The following CDH12 variants were observed in gnomAD, a reference collection of about 807,000 sequenced individuals.
CDH12 encodes the protein cadherin-12.
Under a neutral mutation model 74.1 loss-of-function variants are expected in CDH12, and 41 were observed. The ratio of observed to expected loss-of-function variants is 0.55; its 90% CI spans 0.43 to 0.72. CDH12 has a LOEUF of 0.72. Among genes scored for constraint, CDH12 ranks in the 30% least tolerant of loss-of-function variants. The pLI is 0.00. For missense variants in CDH12, 945 were observed against 977.2 expected (o/e 0.97, Z 0.44); for synonymous variants, 399 against 355.0 (o/e 1.12, Z -1.39).
Position 22,392,410 on chromosome 5 carries a change from T to C in CDH12, c.-333+12847A>G, listed in dbSNP as rs116927576. On this transcript the variant is annotated intron_variant, in intron 3 of 14. Transcript: ENST00000382254. ...TTGTTTCTCAACTGCTTCTGTACCA[T>C]TAGTAATTTTGTGACTTTGGGCAAA... is the stretch of plus-strand genomic sequence containing the variant. Among the ~76,000 whole-genome samples, 79 of 152,300 alleles carry C rather than the reference T, an allele frequency of 5.2e-4. 1 individual carries two copies. The East Asian group carries it at 0.013, about 25-fold the overall frequency.
At chr5:22,707,483 A>G (rs541191799) in intron 1 of CDH12, among the ~76,000 whole-genome samples, 2 of 152,284 alleles carry the variant, frequency 1.3e-5, no homozygotes, top group Non-Finnish European at 2.9e-5. Context: ...CAGTAAGCTC[A>G]TTGAAGGAAG....
At chr5:22,485,360 T>C (rs1420966374) in intron 2 of CDH12, among the ~76,000 whole-genome samples, 1 of 152,166 alleles carries the variant, frequency 6.6e-6, no homozygotes, top group African/African-American at 2.4e-5. Flanking sequence ...TAAAAACATA[T>C]ACATTGTTTT....
chr5:22,476,296 T>G (rs1746165206), intron 2 of CDH12, among the ~76,000 whole-genome samples: 2 of 152,106 alleles, frequency 1.3e-5, no homozygotes, highest in South Asian at 4.1e-4. Context: ...CTGATCTTGA[T>G]GCATTTAAGA....
chr5:22,784,318 G>A (rs1747523437), intron 1 of CDH12, among the ~76,000 whole-genome samples: 1 of 152,060 alleles, frequency 6.6e-6, no homozygotes, highest in South Asian at 2.1e-4. Context: ...TCTTGATAGA[G>A]TAAACCTCTG....
intron 1 of CDH12, among the ~76,000 whole-genome samples, chr5:22,545,718 T>C (rs1036157931): frequency 1.3e-5 from 2 of 152,182 alleles, no homozygotes; most frequent in African/African-American, 2.4e-5. Context: ...TGTATAAAAA[T>C]AATAATTGAT....
chr5:21,925,950 AAG>A (rs1554044867), intron 6 of CDH12, among the ~76,000 whole-genome samples: 1 of 151,872 alleles, frequency 6.6e-6, no homozygotes, highest in Non-Finnish European at 1.5e-5. Context: ...ATAAAAAAAA[AAG>A]AAATGATTTC....
intron 2 of CDH12, among the ~76,000 whole-genome samples, chr5:22,501,659 A>G (rs2126656806): frequency 6.6e-6 from 1 of 152,188 alleles, no homozygotes; most frequent in Middle Eastern, 3.4e-3. Context: ...CAGATGTGCT[A>G]ATTGCAACTC....
intron 5 of CDH12, among the ~76,000 whole-genome samples, chr5:21,994,720 T>G (rs1330343878): frequency 6.6e-6 from 1 of 152,150 alleles, no homozygotes; most frequent in African/African-American, 2.4e-5. Flanking sequence ...CGGCTGGGCT[T>G]CTGGTCTGGT....
At chr5:22,572,675 C>T (rs1416566549) in intron 1 of CDH12, among the ~76,000 whole-genome samples, 4 of 152,152 alleles carry the variant, frequency 2.6e-5, no homozygotes, top group Non-Finnish European at 5.9e-5. Flanking sequence ...ACAACCCTAT[C>T]TTTTGGTTGA....
chr5:22,059,334 A>G (rs969406291), intron 5 of CDH12, among the ~76,000 whole-genome samples: 29 of 142,826 alleles, frequency 2.0e-4, no homozygotes, highest in African/African-American at 7.3e-4. Context: ...TCGTCTATCT[A>G]TCATCTATCT....
At chr5:22,739,988 T>G (rs970988606) in intron 1 of CDH12, among the ~76,000 whole-genome samples, 1 of 152,254 alleles carries the variant, frequency 6.6e-6, no homozygotes, top group East Asian at 1.9e-4. Context: ...GCTCAAGGAC[T>G]AATGTATTAC....
chr5:22,162,912 T>C (rs1748448438), intron 4 of CDH12, among the ~76,000 whole-genome samples: 1 of 120,746 alleles, frequency 8.3e-6, no homozygotes, highest in African/African-American at 2.8e-5. Flanking sequence ...TTTTTTTTTT[T>C]TTGAGACAGA....
chr5:22,797,090 T>G (rs1002638967), intron 1 of CDH12, among the ~76,000 whole-genome samples: 2 of 151,350 alleles, frequency 1.3e-5, no homozygotes, highest in Admixed American at 1.3e-4. Context: ...ATTCCTATGT[T>G]GAAATTCTAA....
At chr5:22,225,431 T>C (rs999874970) in intron 3 of CDH12, among the ~76,000 whole-genome samples, 2 of 152,094 alleles carry the variant, frequency 1.3e-5, no homozygotes, top group Non-Finnish European at 2.9e-5. Context: ...TCAGCAATTA[T>C]TGCTAATACA....
chr5:22,154,181 T>C lies in CDH12; in HGVS notation c.-187+58317A>G, dbSNP rs180719925. 4.2e-3 allele frequency among the ~76,000 whole-genome samples: 639 copies of C among 150,740 alleles called. 6 individuals carry two copies. The highest frequency in any genetic ancestry group is 0.015 in the African/African-American group (601 of 41,266). On this transcript the variant is annotated intron_variant, in intron 4 of 14. Coordinates refer to ENST00000382254, the MANE Select transcript of CDH12 (RefSeq NM_004061.5). ...ATATATGTATATATTATGAAATGAT[T>C]ACCACAATCAAGCTAGTTAACATAT... is the stretch of plus-strand genomic sequence containing the variant.
chr5:22,204,507 T>A (rs1301395653), intron 4 of CDH12, among the ~76,000 whole-genome samples: 2 of 152,218 alleles, frequency 1.3e-5, no homozygotes, highest in Non-Finnish European at 1.5e-5. Context: ...GTATTTCTAT[T>A]TGAAGTAGTA....
At chr5:22,352,146 G>A (rs888180293) in intron 3 of CDH12, among the ~76,000 whole-genome samples, 1 of 150,120 alleles carries the variant, frequency 6.7e-6, no homozygotes, top group African/African-American at 2.4e-5. Context: ...TTTTAATTTG[G>A]AAACCCAGCA....
At chr5:21,776,347 G>A (rs1352400902) in intron 11 of CDH12, among the ~76,000 whole-genome samples, 1 of 149,830 alleles carries the variant, frequency 6.7e-6, no homozygotes, top group East Asian at 1.9e-4. Context: ...TCTCCTAACT[G>A]TAAAATAATA....
chr5:22,134,202 C>T (rs1580302729), intron 4 of CDH12, among the ~76,000 whole-genome samples: 1 of 152,212 alleles, frequency 6.6e-6, no homozygotes, highest in Non-Finnish European at 1.5e-5. Flanking sequence ...TTCTACCCAT[C>T]ACTTCTAATA....
Sources: gnomAD v4.1 joint callset for allele counts (sites outside exome capture counted in the v4.1 genomes callset) on GRCh38, gnomAD v4.1.1 for gene constraint, MANE v1.5 for transcripts, NCBI Gene and HGNC (gene_info 2026-07-23, HGNC 2026-07-21) for gene names.